CRPPA: variants seen among roughly 807,000 people sequenced by gnomAD.
CRPPA encodes the protein CDP-L-ribitol pyrophosphorylase A.
Under a neutral mutation model 52.0 loss-of-function variants are expected in CRPPA, and 43 were observed. The ratio of observed to expected loss-of-function variants is 0.83; its 90% CI spans 0.65 to 1.07. The LOEUF is 1.07. CRPPA is among the 50% of genes least tolerant of loss of function. CRPPA has a pLI of 0.00. For missense variants in CRPPA, 629 were observed against 551.7 expected, an observed-to-expected ratio of 1.14 and a Z score of -1.40; for synonymous variants, 250 against 203.5, an observed-to-expected ratio of 1.23 and a Z score of -1.94.
chr7:16,177,385 A>G (rs2128386735), intron 9 of CRPPA, among the ~76,000 whole-genome samples: 1 of 152,318 alleles, frequency 6.6e-6, no homozygotes, highest in South Asian at 2.1e-4. Context: ...AAATTCATTA[A>G]TTCAACTTTT....
intron 9 of CRPPA, among the ~76,000 whole-genome samples, chr7:16,141,833 G>C (rs1338411596): frequency 6.6e-6 from 1 of 152,006 alleles, no homozygotes; most frequent in Admixed American, 6.6e-5. Flanking sequence ...TCAGAGGCTG[G>C]GTGTCAAGCG....
chr7:16,383,085 C>T (rs1166483958), intron 2 of CRPPA, among the ~76,000 whole-genome samples: 2 of 152,266 alleles, frequency 1.3e-5, no homozygotes, highest in African/African-American at 4.8e-5. Context: ...TTAGAGTTTC[C>T]AGTTTTTCTG....
chr7:16,220,243 AC>A (rs71007754), intron 8 of CRPPA, among the ~76,000 whole-genome samples: 2,511 of 17,674 alleles, frequency 0.14, 157 homozygotes, highest in South Asian at 0.26. Context: ...AAATTCAACA[AC>A]CCTTCATGCT....
chr7:16,375,747 C>G (rs544175813), intron 3 of CRPPA, among the ~76,000 whole-genome samples: 1 of 152,240 alleles, frequency 6.6e-6, no homozygotes, highest in African/African-American at 2.4e-5. Context: ...ATCCAGATGA[C>G]CAATCGAACA....
At chr7:16,296,022 T>C (rs559488345) in intron 5 of CRPPA, among the ~76,000 whole-genome samples, 1 of 152,300 alleles carries the variant, frequency 6.6e-6, no homozygotes, top group African/African-American at 2.4e-5. Flanking sequence ...AAAGGGATTA[T>C]GACGAATACT....
chr7:16,246,754 G>C (rs1323258958), intron 8 of CRPPA, among the ~76,000 whole-genome samples: 1 of 152,070 alleles, frequency 6.6e-6, no homozygotes, highest in East Asian at 1.9e-4. Context: ...CTCAAAAGTG[G>C]GCTTAAAATA....
At chr7:16,126,633 C>G (rs965906789) in intron 9 of CRPPA, among the ~76,000 whole-genome samples, 1 of 152,026 alleles carries the variant, frequency 6.6e-6, no homozygotes, top group African/African-American at 2.4e-5. Flanking sequence ...TTTGGAGATA[C>G]TGAAAACTAA....
chr7:16,206,396 T>C (rs1781974738), intron 9 of CRPPA, among the ~76,000 whole-genome samples: 1 of 152,098 alleles, frequency 6.6e-6, no homozygotes. Context: ...ATACTTCTAA[T>C]ACAAAAGTAT....
At chr7:16,350,412 C>A (rs900486659) in intron 3 of CRPPA, among the ~76,000 whole-genome samples, 8 of 151,990 alleles carry the variant, frequency 5.3e-5, no homozygotes, top group Admixed American at 3.9e-4. Context: ...CAAAACTATT[C>A]AAAGCACCTA....
rs1234074366 is a variant in CRPPA, at chr7:16,222,359, G to A, written c.1120-6162C>T. On this transcript the variant is annotated intron_variant, in intron 8 of 9. Coordinates refer to ENST00000407010, the MANE Select transcript of CRPPA (RefSeq NM_001101426.4). ...ACCTAATGCTAGATGACGAGTTAGTGGGTGCAGCGCACCAGCATGGCACAT... is the reference window on the plus strand; with the variant it reads ...ACCTAATGCTAGATGACGAGTTAGTAGGTGCAGCGCACCAGCATGGCACAT... Among the ~76,000 whole-genome samples, 17 of 148,654 alleles carry A rather than the reference G, an allele frequency of 1.1e-4. No homozygotes were observed. In the South Asian group the frequency reaches 3.7e-3, roughly 32 times the overall value.
intron 8 of CRPPA, among the ~76,000 whole-genome samples, chr7:16,256,248 G>C (rs1436739300): frequency 6.6e-6 from 1 of 152,168 alleles, no homozygotes; most frequent in Non-Finnish European, 1.5e-5. Context: ...TCTCACACCA[G>C]TTAGAATGGC....
chr7:16,417,959 G>C (rs10272029), intron 1 of CRPPA, among the ~76,000 whole-genome samples: 1 of 151,982 alleles, frequency 6.6e-6, no homozygotes, highest in Non-Finnish European at 1.5e-5. Context: ...AAAAGCATGC[G>C]TAATTTCTCA....
At chr7:16,242,822 G>A (rs1042503285) in intron 8 of CRPPA, among the ~76,000 whole-genome samples, 2 of 152,050 alleles carry the variant, frequency 1.3e-5, no homozygotes, top group African/African-American at 4.8e-5. Context: ...ATAAGATGTG[G>A]TGTTATCAGG....
At position 16,349,745 on chromosome 7, in the gene CRPPA, G is replaced by A. The variant is rs534827873; in HGVS notation, c.684+26347C>T. Among the ~76,000 whole-genome samples, 13 of 151,510 alleles carry A rather than the reference G, an allele frequency of 8.6e-5. No individual in the cohort carries two copies. The East Asian group carries it at 1.4e-3, about 16-fold the overall frequency. ...AGGAAAAGAGAATGAGAAAGAGTAC[G>A]GATTACTTATGAGATTTATGGGACA... On this transcript the variant is annotated intron_variant, in intron 3 of 9. Transcript: ENST00000407010.
At chr7:16,254,627 T>A (rs1171897161) in intron 8 of CRPPA, among the ~76,000 whole-genome samples, 1 of 151,434 alleles carries the variant, frequency 6.6e-6, no homozygotes, top group African/African-American at 2.4e-5. Context: ...TTAGGAGAAA[T>A]ACCTAATGTA....
At chr7:16,314,167 A>G (rs545140696) in intron 3 of CRPPA, among the ~76,000 whole-genome samples, 1 of 150,546 alleles carries the variant, frequency 6.6e-6, no homozygotes, top group East Asian at 1.9e-4. Context: ...TTTGCCTCAC[A>G]TATAAGGATG....
intron 3 of CRPPA, among the ~76,000 whole-genome samples, chr7:16,348,213 A>G (rs1786063731): frequency 6.6e-6 from 1 of 152,166 alleles, no homozygotes; most frequent in South Asian, 2.1e-4. Context: ...ATTTATCCTG[A>G]AAAGAATTTG....
chr7:16,138,677 A>T (rs567254161), intron 9 of CRPPA, among the ~76,000 whole-genome samples: 3 of 152,308 alleles, frequency 2.0e-5, no homozygotes, highest in South Asian at 4.1e-4. Flanking sequence ...AAAATTAAAG[A>T]ATAGTGTAAT....
At chr7:16,381,115 C>T (rs932830347) in intron 2 of CRPPA, among the ~76,000 whole-genome samples, 1 of 151,920 alleles carries the variant, frequency 6.6e-6, no homozygotes, top group Admixed American at 6.6e-5. Context: ...CCTGCTTTCT[C>T]TTGTGGGCAT....
Sources: gnomAD v4.1 joint callset for allele counts (sites outside exome capture counted in the v4.1 genomes callset) on GRCh38, gnomAD v4.1.1 for gene constraint, MANE v1.5 for transcripts, NCBI Gene and HGNC (gene_info 2026-07-23, HGNC 2026-07-21) for gene names.